AMER2: variants seen among roughly 807,000 people sequenced by gnomAD.
AMER2 encodes the protein APC membrane recruitment protein 2.
In AMER2, 1 loss-of-function variant was observed where a neutral mutation model predicts 4.7. The observed-to-expected ratio is 0.21, with a 90% CI of 0.07 to 1.00. AMER2 has a LOEUF of 1.00. Ranked by LOEUF, AMER2 falls within the 50% of genes least tolerant of loss-of-function variation. AMER2 has a pLI of 0.60. For missense variants in AMER2, 988 were observed against 966.9 expected (o/e 1.02, Z -0.29); for synonymous variants, 485 against 433.3 (o/e 1.12, Z -1.48).
In AMER2 at chr13:25,168,221, C is replaced by T. The variant is rs1287573167; in HGVS notation, c.*1383G>A. The T allele has an allele frequency of 1.3e-5, 2 of 152,140 alleles. No homozygotes were observed. Among genetic ancestry groups the T allele is most frequent in the Non-Finnish European group, 2.9e-5 (2 of 68,006 alleles). 9.4% of individuals were successfully genotyped at this position (152,140 alleles called of 1,614,324 possible). On this transcript the variant is annotated 3_prime_UTR_variant, in exon 1 of 1. Transcript: ENST00000515384. ...AGAAAACATACATAGAAGCAAACCA[C>T]TTTTCAAAAAAAACTTGGCATAAAG... is the stretch of plus-strand genomic sequence containing the variant.
Position 25,169,493 on chromosome 13 carries a change from G to T in AMER2, c.*111C>A. 1 of 1,404,864 alleles carries T rather than the reference G, an allele frequency of 7.1e-7. No individual in the cohort carries two copies. 87.0% of individuals were successfully genotyped at this position (1,404,864 alleles called of 1,614,324 possible). On this transcript the variant is annotated 3_prime_UTR_variant, in exon 1 of 1. Transcript: ENST00000515384. The surrounding 1 kb of genome is among the most constrained non-coding windows in gnomAD (Gnocchi z 4.2). ...CACGCTCTGGAGCAGGGCGGGGGAC[G>T]GGTGGTGTCCTAAAAGACTTTCTTT...
chr13:25,170,044 C>T lies in AMER2; in HGVS notation c.1576G>A (p.Asp526Asn), dbSNP rs1956534210. The T allele has an allele frequency of 6.2e-7, 1 of 1,613,710 alleles. No individual in the cohort carries two copies. The highest frequency in any genetic ancestry group is 1.3e-5 in the African/African-American group (1 of 74,920). ...TCCTCTGGGCCTGGCGTGGTGGAGT[C>T]CCAGTAGCCCTCGTCGCTGTTGGGG... ...GVPNSDEGYW[D>N]STTPGPEEDS... is the part of the protein sequence containing the mutation. Residue 526 changes from aspartate (D) to asparagine (N), a missense_variant, in exon 1 of 1, where the codon GAC becomes AAC. Asp to Asn is a conservative substitution (Grantham distance 23, BLOSUM62 1). Coordinates refer to ENST00000515384, the MANE Select transcript of AMER2 (RefSeq NM_152704.4). The surrounding 1 kb of genome is among the most constrained non-coding windows in gnomAD (Gnocchi z 7.3).
In AMER2 at chr13:25,171,100, C is replaced by G. The variant is rs1296346360; in HGVS notation, c.520G>C (p.Glu174Gln). 6 of 1,565,276 alleles carry G rather than the reference C, an allele frequency of 3.8e-6. No homozygotes were observed. The highest frequency in any genetic ancestry group is 5.2e-6 in the Non-Finnish European group (6 of 1,156,930). Residue 174 changes from glutamate (E) to glutamine (Q), a missense_variant, in exon 1 of 1, where the codon GAA becomes CAA. Glu to Gln is a conservative substitution (Grantham distance 29, BLOSUM62 2). Coordinates refer to ENST00000515384, the MANE Select transcript of AMER2 (RefSeq NM_152704.4). This position sits in a 1 kb window ranked among gnomAD's most constrained non-coding sequence, Gnocchi z 5.9. ...FSLLKKNGRS[E>Q]NGKGEPVDAS... Reference sequence around the variant, plus strand: ...TCCACAGGCTCTCCCTTGCCGTTTTCCGAGCGCCCGTTCTTCTTCAGCAGC... The same window carrying G: ...TCCACAGGCTCTCCCTTGCCGTTTTGCGAGCGCCCGTTCTTCTTCAGCAGC...
Position 25,171,570 on chromosome 13 carries a change from C to A in AMER2, c.50G>T (p.Gly17Val). Residue 17 changes from glycine to valine, a missense_variant, in exon 1 of 1, where the codon GGC becomes GTC. Physicochemically the swap from Gly to Val is moderately radical, Grantham distance 109 (BLOSUM62 -3). Transcript: ENST00000515384. The surrounding 1 kb of genome is among the most constrained non-coding windows in gnomAD (Gnocchi z 5.9). ...GACCCCCACGGACGCGCCAGCTCCG[C>A]CGCGCTCGCTGACAGCCCCGCCGCC... ...RGGGGAVSER[G>V]GAGASVGVCR... is the part of the protein sequence containing the mutation. 6.5e-7 allele frequency: 1 copy of A among 1,544,518 alleles called. No homozygotes were observed. The highest frequency in any genetic ancestry group is 8.6e-7 in the Non-Finnish European group (1 of 1,157,446).
Position 25,170,160 on chromosome 13 carries a change from G to C in AMER2, c.1460C>G (p.Ser487Trp). The change falls in exon 1 of 1, where the codon TCG becomes TGG. Residue 487 changes from serine (S) to tryptophan (W), a missense_variant. Transcript: ENST00000515384. This position sits in a 1 kb window ranked among gnomAD's most constrained non-coding sequence, Gnocchi z 7.3. Reference protein sequence around the residue: ...RCVEAAKDASSVKRRRLNRIP... With the variant: ...RCVEAAKDASWVKRRRLNRIP... ...CCGGTTGAGCCTCCTGCGCTTGACC[G>C]AGGACGCGTCCTTGGCCGCTTCCAC... 4 of 1,613,902 alleles carry C rather than the reference G, an allele frequency of 2.5e-6. No homozygotes were observed. Among genetic ancestry groups the C allele is most frequent in the Non-Finnish European group, 3.4e-6 (4 of 1,179,974 alleles).
At position 25,170,464 on chromosome 13, in the gene AMER2, CAAT is replaced by C. The variant is rs1416620010; in HGVS notation, c.1153_1155del (p.Ile385del). 6.2e-7 allele frequency: 1 copy of C among 1,614,198 alleles called. No homozygotes were observed. Among genetic ancestry groups the C allele is most frequent in the African/African-American group, 1.3e-5 (1 of 75,052 alleles). On this transcript the variant is annotated inframe_deletion, in exon 1 of 1. Coordinates refer to ENST00000515384, the MANE Select transcript of AMER2 (RefSeq NM_152704.4). This position sits in a 1 kb window ranked among gnomAD's most constrained non-coding sequence, Gnocchi z 7.3. The stretch of plus-strand genomic sequence containing the variant: ...GGACCTGCCTCTTCCTCTTGGTCTG[CAAT>C]AATATCTCCACAGCCTGTAAGAGAG...
In AMER2 at chr13:25,170,853, G is replaced by T; in HGVS notation, c.767C>A (p.Pro256Gln). The change falls in exon 1 of 1, where the codon CCG becomes CAG. Residue 256 changes from proline (P) to glutamine (Q), a missense_variant. Transcript: ENST00000515384. This position sits in a 1 kb window ranked among gnomAD's most constrained non-coding sequence, Gnocchi z 7.3. ...TGCGGGCTCACCTGCTGGGTCTCGC[G>T]GGGCGTCCTGGCTGGGCTCCTCCGG... ...REPEEPSQDA[P>Q]RDPAGEPAGG... 4.1e-6 allele frequency: 6 copies of T among 1,447,500 alleles called. No individual in the cohort carries two copies. Among genetic ancestry groups the T allele is most frequent in the Non-Finnish European group, 5.4e-6 (6 of 1,109,274 alleles). The allele number at this position is 1,447,500 out of a possible 1,614,324, so 89.7% of individuals were successfully genotyped here.
chr13:25,164,553 A>G lies in AMER2; in HGVS notation c.*5051T>C, dbSNP rs1956454101. The G allele has an allele frequency of 6.7e-6, 1 of 150,206 alleles. No individual in the cohort carries two copies. Among genetic ancestry groups the G allele is most frequent in the Admixed American group, 6.7e-5 (1 of 14,888 alleles). The allele number at this position is 150,206 out of a possible 1,614,324, so 9.3% of individuals were successfully genotyped here. A position where few individuals can be genotyped will look rare whatever the true frequency, so the allele number is the denominator to read the frequency against. ...TACTGAAAATCACTAAAGAGTTTAT[A>G]TCCCTGTCCTAGAGACTAGGGGAAA... On this transcript the variant is annotated 3_prime_UTR_variant, in exon 1 of 1. Transcript: ENST00000515384.
chr13:25,170,822 TC>T lies in AMER2; in HGVS notation c.797del (p.Gly266GlufsTer62). On this transcript the variant is annotated frameshift_variant, in exon 1 of 1. Transcript: ENST00000515384. LOFTEE classifies it low-confidence loss of function (END_TRUNC). This position sits in a 1 kb window ranked among gnomAD's most constrained non-coding sequence, Gnocchi z 7.3. Reference sequence around the variant, plus strand: ...GGTCGGCGGGGGCGGGCACCTCCTCTCCCCCTGCGGGCTCACCTGCTGGGTC... The same window carrying T: ...GGTCGGCGGGGGCGGGCACCTCCTCTCCCCTGCGGGCTCACCTGCTGGGTC... ...PRDPAGEPAG[G>X]EEVPAPADRA... 2.1e-6 allele frequency: 3 copies of T among 1,410,086 alleles called. No homozygotes were observed. Among genetic ancestry groups the T allele is most frequent in the Non-Finnish European group, 2.7e-6 (3 of 1,091,388 alleles). The allele number at this position is 1,410,086 out of a possible 1,614,324, so 87.3% of individuals were successfully genotyped here.
Position 25,163,298 on chromosome 13 carries a change from A to T in AMER2, c.*6306T>A, listed in dbSNP as rs903201586. 2 of 152,226 alleles carry T rather than the reference A, an allele frequency of 1.3e-5. No individual in the cohort carries two copies. Among genetic ancestry groups the T allele is most frequent in the Non-Finnish European group, 2.9e-5 (2 of 68,046 alleles). The allele number at this position is 152,226 out of a possible 1,614,324, so 9.4% of individuals were successfully genotyped here. On this transcript the variant is annotated 3_prime_UTR_variant, in exon 1 of 1. Transcript: ENST00000515384. Reference sequence around the variant, plus strand: ...AAAAATAATTCTATGTTTAATTAGAATTACCATATGAATGACCCAGTCATT... The same window carrying T: ...AAAAATAATTCTATGTTTAATTAGATTTACCATATGAATGACCCAGTCATT...
rs1291692145 is a variant in AMER2 at position 25,166,348 on chromosome 13, TTACTCTTGTGATTATTTAAAA to T, written c.*3235_*3255del. On this transcript the variant is annotated 3_prime_UTR_variant, in exon 1 of 1. Transcript: ENST00000515384. Reference sequence around the variant, plus strand: ...ATTAGATAAAATAATAGAAATCTATTTACTCTTGTGATTATTTAAAATGCTGTAGTAAAATTTCTCCCAATT... The same window carrying T: ...ATTAGATAAAATAATAGAAATCTATTTGCTGTAGTAAAATTTCTCCCAATT... 3 of 152,228 alleles carry T rather than the reference TTACTCTTGTGATTATTTAAAA, an allele frequency of 2.0e-5. No individual in the cohort carries two copies. The highest frequency in any genetic ancestry group is 2.9e-5 in the Non-Finnish European group (2 of 68,032). 9.4% of individuals were successfully genotyped at this position (152,228 alleles called of 1,614,324 possible).
At position 25,170,893 on chromosome 13, in the gene AMER2, T is replaced by C; in HGVS notation, c.727A>G (p.Arg243Gly). ...GGCTCCTCCGGCTCGCGCGCGGCTC[T>C]GGGCGTCTCCTCCTTGACGCACTCC... ...SLECVKEETPRAAREPEEPSQ... is the reference protein window; with the variant it reads ...SLECVKEETPGAAREPEEPSQ... The change falls in exon 1 of 1, where the codon AGA becomes GGA. Residue 243 changes from arginine to glycine, a missense_variant. By Grantham distance (125) the Arg-to-Gly change is moderately radical. Coordinates refer to ENST00000515384, the MANE Select transcript of AMER2 (RefSeq NM_152704.4). This position sits in a 1 kb window ranked among gnomAD's most constrained non-coding sequence, Gnocchi z 7.3. The C allele has an allele frequency of 2.7e-6, 4 of 1,469,260 alleles. No individual in the cohort carries two copies. In the South Asian group the frequency reaches 4.2e-5, roughly 15 times the overall value. 91.0% of individuals were successfully genotyped at this position (1,469,260 alleles called of 1,614,324 possible). A position where few individuals can be genotyped will look rare whatever the true frequency, so the allele number is the denominator to read the frequency against.
In AMER2 at chr13:25,170,879, C is replaced by G; in HGVS notation, c.741G>C (p.Glu247Asp). Residue 247 changes from glutamate (E) to aspartate (D), a missense_variant, in exon 1 of 1, where the codon GAG (glutamate) becomes GAC (aspartate). Physicochemically the swap from Glu to Asp is conservative, Grantham distance 45. Coordinates refer to ENST00000515384, the MANE Select transcript of AMER2 (RefSeq NM_152704.4). The surrounding 1 kb of genome is among the most constrained non-coding windows in gnomAD (Gnocchi z 7.3). ...GGGCGTCCTGGCTGGGCTCCTCCGG[C>G]TCGCGCGCGGCTCTGGGCGTCTCCT... ...VKEETPRAAR[E>D]PEEPSQDAPR... 6.9e-7 allele frequency: 1 copy of G among 1,459,018 alleles called. No individual in the cohort carries two copies. The allele number at this position is 1,459,018 out of a possible 1,614,324, so 90.4% of individuals were successfully genotyped here. A position where few individuals can be genotyped will look rare whatever the true frequency, so the allele number is the denominator to read the frequency against.
In AMER2 at chr13:25,170,827, C is replaced by A. The variant is rs768875798; in HGVS notation, c.793G>T (p.Gly265Trp). Residue 265 changes from glycine to tryptophan, a missense_variant, in exon 1 of 1, where the codon GGG (glycine) becomes TGG (tryptophan). Transcript: ENST00000515384. The surrounding 1 kb of genome is among the most constrained non-coding windows in gnomAD (Gnocchi z 7.3). Reference protein sequence around the residue: ...APRDPAGEPAGGEEVPAPADR... With the variant: ...APRDPAGEPAWGEEVPAPADR... ...GCGGGGGCGGGCACCTCCTCTCCCC[C>A]TGCGGGCTCACCTGCTGGGTCTCGC... 6.8e-5 allele frequency: 97 copies of A among 1,423,746 alleles called. No homozygotes were observed. Among genetic ancestry groups the A allele is most frequent in the Non-Finnish European group, 8.6e-5 (94 of 1,098,280 alleles). The allele number at this position is 1,423,746 out of a possible 1,614,324, so 88.2% of individuals were successfully genotyped here. A position where few individuals can be genotyped will look rare whatever the true frequency, so the allele number is the denominator to read the frequency against.
Position 25,168,371 on chromosome 13 carries a change from C to T in AMER2, c.*1233G>A, listed in dbSNP as rs1195477059. 1.3e-5 allele frequency: 2 copies of T among 152,058 alleles called. No homozygotes were observed. Among genetic ancestry groups the T allele is most frequent in the Non-Finnish European group, 1.5e-5 (1 of 68,010 alleles). 9.4% of individuals were successfully genotyped at this position (152,058 alleles called of 1,614,324 possible). On this transcript the variant is annotated 3_prime_UTR_variant, in exon 1 of 1. Coordinates refer to ENST00000515384, the MANE Select transcript of AMER2 (RefSeq NM_152704.4). ...TTTCTATTGTTTTTCTTTATGTGTTCCTCATTTTGCACTCATTATATTGAG... is the reference window on the plus strand; with the variant it reads ...TTTCTATTGTTTTTCTTTATGTGTTTCTCATTTTGCACTCATTATATTGAG...
In AMER2 at chr13:25,169,329, G is replaced by T. The variant is rs558980938; in HGVS notation, c.*275C>A. ...GTTCAGTATATTAAAGCAAAAGGAA[G>T]AAAAACTTAAAGGTAAAAAAGAAAA... On this transcript the variant is annotated 3_prime_UTR_variant, in exon 1 of 1. Coordinates refer to ENST00000515384, the MANE Select transcript of AMER2 (RefSeq NM_152704.4). The surrounding 1 kb of genome is among the most constrained non-coding windows in gnomAD (Gnocchi z 4.2). 5.9e-6 allele frequency: 2 copies of T among 339,228 alleles called. 1 individual carries two copies. Among genetic ancestry groups the T allele is most frequent in the South Asian group, 1.6e-4 (2 of 12,650 alleles). 21.0% of individuals were successfully genotyped at this position (339,228 alleles called of 1,614,324 possible).
rs1196530511 is a variant in AMER2 at position 25,164,131 on chromosome 13, A to C, written c.*5473T>G. On this transcript the variant is annotated 3_prime_UTR_variant, in exon 1 of 1. Transcript: ENST00000515384. ...AAAAAAAAAAAAAAAAAAATTAAAG[A>C]GGGTAGATCTCATATTCAATATTCT... 1 of 151,438 alleles carries C rather than the reference A, an allele frequency of 6.6e-6. No homozygotes were observed. Among genetic ancestry groups the C allele is most frequent in the Non-Finnish European group, 1.5e-5 (1 of 67,972 alleles). 9.4% of individuals were successfully genotyped at this position (151,438 alleles called of 1,614,324 possible). A position where few individuals can be genotyped will look rare whatever the true frequency, so the allele number is the denominator to read the frequency against.
At position 25,166,215 on chromosome 13, in the gene AMER2, A is replaced by G. The variant is rs1209699125; in HGVS notation, c.*3389T>C. The G allele has an allele frequency of 2.0e-5, 3 of 152,232 alleles. No homozygotes were observed. The highest frequency in any genetic ancestry group is 7.2e-5 in the African/African-American group (3 of 41,460). 9.4% of individuals were successfully genotyped at this position (152,232 alleles called of 1,614,324 possible). A position where few individuals can be genotyped will look rare whatever the true frequency, so the allele number is the denominator to read the frequency against. Reference sequence around the variant, plus strand: ...ATTTAAATAAGCAGATAATTTGTGGAAAATGTATCTAAAGGAAGTCCTTTG... The same window carrying G: ...ATTTAAATAAGCAGATAATTTGTGGGAAATGTATCTAAAGGAAGTCCTTTG... On this transcript the variant is annotated 3_prime_UTR_variant, in exon 1 of 1. Transcript: ENST00000515384.
In AMER2 at chr13:25,163,264, C is replaced by G. The variant is rs1402597008; in HGVS notation, c.*6340G>C. 1 of 152,064 alleles carries G rather than the reference C, an allele frequency of 6.6e-6. No homozygotes were observed. Among genetic ancestry groups the G allele is most frequent in the Non-Finnish European group, 1.5e-5 (1 of 68,012 alleles). The allele number at this position is 152,064 out of a possible 1,614,324, so 9.4% of individuals were successfully genotyped here. On this transcript the variant is annotated 3_prime_UTR_variant, in exon 1 of 1. Transcript: ENST00000515384. The stretch of plus-strand genomic sequence containing the variant: ...TGTGGAAAGCAGCACAGAAGTTTCT[C>G]AAAAAATTAAAAATAATTCTATGTT...
Sources: gnomAD v4.1 joint callset for allele counts on GRCh38, gnomAD v4.1.1 for gene constraint, Gnocchi (gnomAD v3.1) non-coding constraint, MANE v1.5 for transcripts, NCBI Gene and HGNC (gene_info 2026-07-23, HGNC 2026-07-21) for gene names.